The following COL22A1 variants were observed in gnomAD, a reference collection of about 807,000 sequenced individuals.
COL22A1 encodes the protein collagen type XXII alpha 1 chain.
In COL22A1, 221 loss-of-function variants were observed where a neutral mutation model predicts 248.9. That is an observed-to-expected ratio of 0.89 (90% CI 0.80 to 0.99). The LOEUF (loss-of-function observed/expected upper bound fraction) is 0.99, where lower values mean the gene tolerates loss of function less well. Ranked by LOEUF, COL22A1 falls within the 50% of genes least tolerant of loss-of-function variation. The pLI, the probability that COL22A1 is intolerant of heterozygous loss-of-function variation, is 0.00. For missense variants in COL22A1, 2,240 were observed against 2,179.0 expected (o/e 1.03, Z -0.56); for synonymous variants, 891 against 793.4 (o/e 1.12, Z -2.07).
chr8:138,900,403 T>A (rs1586998665), intron 1 of COL22A1, among the ~76,000 whole-genome samples: 1 of 152,324 alleles, frequency 6.6e-6, no homozygotes, highest in East Asian at 1.9e-4. Flanking sequence ...ACTGCCAAAT[T>A]GCAGAAGGAT....
intron 41 of COL22A1, among the ~76,000 whole-genome samples, chr8:138,674,361 A>AG (rs1825326196): frequency 6.6e-6 from 1 of 151,906 alleles, no homozygotes. Flanking sequence ...CACCTCCTCC[A>AG]CACACCTTTG....
chr8:138,599,273 G>T (rs1352782875), intron 60 of COL22A1, among the ~76,000 whole-genome samples: 1 of 151,794 alleles, frequency 6.6e-6, no homozygotes, highest in Non-Finnish European at 1.5e-5. Context: ...TCAGGAGATC[G>T]AGACCATCCT....
chr8:138,758,697 C>T (rs1259370325), intron 18 of COL22A1, among the ~76,000 whole-genome samples: 1 of 152,168 alleles, frequency 6.6e-6, no homozygotes, highest in Non-Finnish European at 1.5e-5. Flanking sequence ...GATGTGATCT[C>T]AGAATGAGAT....
At chr8:138,807,893 C>A (rs1586795051) in intron 9 of COL22A1, 81 bp from the exon 10 acceptor site, 2 of 1,412,324 alleles carry the variant, frequency 1.4e-6, no homozygotes, top group Non-Finnish European at 1.0e-6. Flanking sequence ...AATCCACCCC[C>A]ACATGCTTAG....
intron 22 of COL22A1, among the ~76,000 whole-genome samples, chr8:138,740,344 T>G (rs1053728732): frequency 1.3e-5 from 2 of 151,958 alleles, no homozygotes; most frequent in African/African-American, 4.8e-5. Context: ...GATGCAGAGG[T>G]CTGGGCCATG....
chr8:138,827,300 C>A (rs558964671), intron 5 of COL22A1: 6 of 159,000 alleles, frequency 3.8e-5, no homozygotes, highest in Admixed American at 3.6e-4. Context: ...GTTTTGGTGG[C>A]GGGTGATTAG....
intron 17 of COL22A1, among the ~76,000 whole-genome samples, chr8:138,761,449 A>T (rs570419588): frequency 6.6e-6 from 1 of 152,332 alleles, no homozygotes; most frequent in East Asian, 1.9e-4. Flanking sequence ...AAAAAGTATG[A>T]TTCCAATGTG....
At chr8:138,789,782 G>C (rs910939953) in intron 12 of COL22A1, among the ~76,000 whole-genome samples, 2 of 152,172 alleles carry the variant, frequency 1.3e-5, no homozygotes, top group Admixed American at 6.5e-5. Flanking sequence ...TGTCACCTTG[G>C]CCATGGCCTG....
intron 47 of COL22A1, among the ~76,000 whole-genome samples, chr8:138,644,303 C>T (rs781183792): frequency 3.3e-5 from 5 of 152,070 alleles, no homozygotes; most frequent in Non-Finnish European, 7.4e-5. Context: ...TAAAATATTG[C>T]ATTAAAGTAT....
At chr8:138,691,661 G>T (rs1436516988) in intron 35 of COL22A1, among the ~76,000 whole-genome samples, 1 of 149,016 alleles carries the variant, frequency 6.7e-6, no homozygotes, top group African/African-American at 2.5e-5. Context: ...ATGCATGTTT[G>T]TGGGGGTGTG....
At chr8:138,636,522 A>AAAGGG in intron 48 of COL22A1, among the ~76,000 whole-genome samples, 1 of 140,560 alleles carries the variant, frequency 7.1e-6, no homozygotes. Context: ...AAAGGAAAGG[A>AAAGGG]AAGGAAAGGA....
At position 138,877,922 on chromosome 8, in the gene COL22A1, C is replaced by G. The variant is rs781713813; in HGVS notation, c.486G>C (p.Ala162=). ...GRSQDLVLDA[A]AAAHRAGIRI... ...GGATGCCAGCGCGGTGGGCTGCCGC[C>G]GCGGCGTCCAGCACCAGGTCCTGGC... The change falls in exon 3 of 65, where the codon GCG becomes GCC. Residue 162 remains alanine (A), a synonymous_variant. Coordinates refer to ENST00000303045, the MANE Select transcript of COL22A1 (RefSeq NM_152888.3). 1.2e-6 allele frequency: 2 copies of G among 1,607,046 alleles called. No homozygotes were observed. The highest frequency in any genetic ancestry group is 1.7e-6 in the Non-Finnish European group (2 of 1,176,964).
chr8:138,690,966 A>C, intron 35 of COL22A1, 92 bp from the exon 36 acceptor site: 1 of 994,910 alleles, frequency 1.0e-6, no homozygotes, highest in Non-Finnish European at 1.5e-6. Context: ...TACTCAATTC[A>C]CCGCAATGTG....
chr8:138,630,059 C>T (rs562984355), intron 50 of COL22A1, among the ~76,000 whole-genome samples: 2 of 152,330 alleles, frequency 1.3e-5, no homozygotes, highest in East Asian at 3.9e-4. Context: ...TATTCATTTA[C>T]TTGCCATGCA....
At chr8:138,708,109 A>G (rs1828631487) in intron 30 of COL22A1, among the ~76,000 whole-genome samples, 1 of 152,230 alleles carries the variant, frequency 6.6e-6, no homozygotes, top group African/African-American at 2.4e-5. Context: ...AAGGAGAACT[A>G]CAAACCACTG....
At position 138,812,943 on chromosome 8, in the gene COL22A1, C is replaced by A. The variant is rs1040004985; in HGVS notation, c.1322G>T (p.Gly441Val). ...ELETCCDIPS[G>V]PCQVTVVTEP... Reference sequence around the variant, plus strand: ...TCTGTGCGAGAGTCTGCTCACCGGACCCGAGGGGATATCACAACAAGTCTC... The same window carrying A: ...TCTGTGCGAGAGTCTGCTCACCGGAACCGAGGGGATATCACAACAAGTCTC... Residue 441 changes from glycine to valine, a missense_variant, in exon 8 of 65, where the codon GGT (glycine) becomes GTT (valine). Physicochemically the swap from Gly to Val is moderately radical, Grantham distance 109. Transcript: ENST00000303045. The A allele has an allele frequency of 5.0e-6, 8 of 1,612,370 alleles. No homozygotes were observed. The highest frequency in any genetic ancestry group is 6.8e-6 in the Non-Finnish European group (8 of 1,178,554).
At chr8:138,619,761 A>AC (rs561815899) in intron 52 of COL22A1, among the ~76,000 whole-genome samples, 1 of 151,858 alleles carries the variant, frequency 6.6e-6, no homozygotes, top group African/African-American at 2.4e-5. Context: ...TATGCTTAGT[A>AC]CCCCCCTTTC....
intron 3 of COL22A1, among the ~76,000 whole-genome samples, chr8:138,871,702 T>C (rs947878503): frequency 6.6e-6 from 1 of 152,100 alleles, no homozygotes; most frequent in Admixed American, 6.5e-5. Flanking sequence ...AAAAAATAAG[T>C]CAATAATATG....
chr8:138,843,163 C>A (rs1043018705), intron 4 of COL22A1, among the ~76,000 whole-genome samples: 17 of 152,176 alleles, frequency 1.1e-4, no homozygotes, highest in African/African-American at 4.1e-4. Context: ...ATAGGCAGAG[C>A]AGCCTTCCAC....
Sources: allele counts gnomAD v4.1 joint callset (sites outside exome capture counted in the v4.1 genomes callset), GRCh38; gene constraint gnomAD v4.1.1; transcripts MANE v1.5; gene names NCBI Gene and HGNC (gene_info 2026-07-23, HGNC 2026-07-21).